SDHAF3: variants seen among roughly 807,000 people sequenced by gnomAD.
The protein encoded by SDHAF3 is succinate dehydrogenase complex assembly factor 3.
SDHAF3 carries 18 observed loss-of-function variants against 11.5 expected under a neutral mutation model. The observed-to-expected ratio is 1.56, with a 90% CI of 1.08 to 2.32. The LOEUF (loss-of-function observed/expected upper bound fraction) is 2.32, where lower values mean the gene tolerates loss of function less well. Ranked by LOEUF, SDHAF3 falls within the 30% of genes most tolerant of loss-of-function variation. The probability of loss-of-function intolerance (pLI) is 0.00; values close to 1 mark genes in which losing one functional copy is unlikely to be tolerated. For missense variants in SDHAF3, 200 were observed against 154.4 expected, an observed-to-expected ratio of 1.30 and a Z score of -1.57; for synonymous variants, 72 against 59.3, an observed-to-expected ratio of 1.21 and a Z score of -0.99.
At chr7:97,129,952 G>A (rs1052616703) in intron 1 of SDHAF3, among the ~76,000 whole-genome samples, 1 of 152,166 alleles carries the variant, frequency 6.6e-6, no homozygotes, top group Non-Finnish European at 1.5e-5. Flanking sequence ...CACTGGCTTC[G>A]TGCGAGGCTG....
In SDHAF3 at chr7:97,117,706, C is replaced by T. The variant is rs766764882; in HGVS notation, c.-18C>T. On this transcript the variant is annotated 5_prime_UTR_variant, in exon 1 of 2. Coordinates refer to ENST00000432641, the MANE Select transcript of SDHAF3 (RefSeq NM_020186.3). Reference sequence around the variant, plus strand: ...CGTCCCTCTGCGCAGGCGCAGTCGGCGGTCGGCGTGGGGCGCTATGCCGGG... The same window carrying T: ...CGTCCCTCTGCGCAGGCGCAGTCGGTGGTCGGCGTGGGGCGCTATGCCGGG... 1.9e-5 allele frequency: 31 copies of T among 1,604,194 alleles called. No individual in the cohort carries two copies. The highest frequency in any genetic ancestry group is 6.8e-5 in the Admixed American group (4 of 59,150).
intron 1 of SDHAF3, among the ~76,000 whole-genome samples, chr7:97,143,375 G>A (rs1789085275): frequency 6.6e-6 from 1 of 151,934 alleles, no homozygotes; most frequent in Admixed American, 6.6e-5. Context: ...CTTTAGCGGT[G>A]ATTTGTCAGA....
chr7:97,134,458 C>T (rs531742309), intron 1 of SDHAF3, among the ~76,000 whole-genome samples: 29 of 152,228 alleles, frequency 1.9e-4, no homozygotes, highest in African/African-American at 5.5e-4. Flanking sequence ...AAAGAACTTT[C>T]GTTTTTGAGA....
In SDHAF3 at chr7:97,178,181, A is replaced by C. The variant is rs544347587; in HGVS notation, c.175-2831A>C. On this transcript the variant is annotated intron_variant, in intron 1 of 1. Transcript: ENST00000432641. The stretch of plus-strand genomic sequence containing the variant: ...TATGTCTTTTTATGTTTGGCTTCTT[A>C]GCATAATCTTTTTAAGGTTTATCCA... Among the ~76,000 whole-genome samples the C allele has an allele frequency of 2.0e-4, 31 of 152,320 alleles. No individual in the cohort carries two copies. In the East Asian group the frequency reaches 4.1e-3, roughly 20 times the overall value.
intron 1 of SDHAF3, among the ~76,000 whole-genome samples, chr7:97,127,591 G>A (rs1037658248): frequency 1.3e-5 from 2 of 152,094 alleles, no homozygotes; most frequent in Admixed American, 6.5e-5. Context: ...AGTTTCCTTA[G>A]TATAATTAGG....
chr7:97,164,470 G>A (rs1001024448), intron 1 of SDHAF3, among the ~76,000 whole-genome samples: 3 of 148,896 alleles, frequency 2.0e-5, no homozygotes, highest in African/African-American at 5.0e-5. Flanking sequence ...ACAACCTCCC[G>A]GATTAAAGCG....
chr7:97,165,001 G>T (rs1789479095), intron 1 of SDHAF3, among the ~76,000 whole-genome samples: 1 of 152,160 alleles, frequency 6.6e-6, no homozygotes, highest in Admixed American at 6.5e-5. Context: ...GGAGTTCTTT[G>T]AATATAACTC....
chr7:97,171,088 T>C (rs1395068006), intron 1 of SDHAF3, among the ~76,000 whole-genome samples: 1 of 152,180 alleles, frequency 6.6e-6, no homozygotes, highest in African/African-American at 2.4e-5. Flanking sequence ...AATTTAGTTA[T>C]TGTAATTCAG....
chr7:97,124,988 C>A lies in SDHAF3; in HGVS notation c.174+7091C>A, dbSNP rs561039477. Among the ~76,000 whole-genome samples the A allele has an allele frequency of 1.8e-4, 28 of 152,218 alleles. No homozygotes were observed. The South Asian group carries it at 5.2e-3, about 28-fold the overall frequency. On this transcript the variant is annotated intron_variant, in intron 1 of 1. Coordinates refer to ENST00000432641, the MANE Select transcript of SDHAF3 (RefSeq NM_020186.3). ...TTATTTGAATACGTTTTATTTTTTTCTCTTGCCTGATTGCTCTGGCCAGAA... is the reference window on the plus strand; with the variant it reads ...TTATTTGAATACGTTTTATTTTTTTATCTTGCCTGATTGCTCTGGCCAGAA...
chr7:97,146,264 TTTG>T (rs1295131506), intron 1 of SDHAF3, among the ~76,000 whole-genome samples: 1 of 152,206 alleles, frequency 6.6e-6, no homozygotes, highest in Non-Finnish European at 1.5e-5. Flanking sequence ...GGTTGTATAA[TTTG>T]TTGTCAAAAC....
intron 1 of SDHAF3, among the ~76,000 whole-genome samples, chr7:97,135,960 T>C (rs895232001): frequency 6.6e-6 from 1 of 152,086 alleles, no homozygotes; most frequent in African/African-American, 2.4e-5. Flanking sequence ...GTGCTGGGAT[T>C]ACAGGTGTGA....
rs920760686 is a variant in SDHAF3 at position 97,138,341 on chromosome 7, T to G, written c.174+20444T>G. 7.2e-5 allele frequency among the ~76,000 whole-genome samples: 11 copies of G among 151,906 alleles called. 1 individual carries two copies. The highest frequency in any genetic ancestry group is 6.6e-4 in the Admixed American group (10 of 15,240). On this transcript the variant is annotated intron_variant, in intron 1 of 1. Coordinates refer to ENST00000432641, the MANE Select transcript of SDHAF3 (RefSeq NM_020186.3). The stretch of plus-strand genomic sequence containing the variant: ...CACCTGGCTAATTTTTTGTGCGTTT[T>G]TAGTAGAGACAGGGTTTCACCACGT...
At chr7:97,160,242 G>A (rs1406755936) in intron 1 of SDHAF3, among the ~76,000 whole-genome samples, 1 of 146,732 alleles carries the variant, frequency 6.8e-6, no homozygotes, top group Admixed American at 6.8e-5. Context: ...GAAGTGAGGA[G>A]CGCCCCTGCC....
intron 1 of SDHAF3, among the ~76,000 whole-genome samples, chr7:97,124,991 T>C (rs1791554398): frequency 6.6e-6 from 1 of 152,208 alleles, no homozygotes; most frequent in Admixed American, 6.5e-5. Flanking sequence ...TTTTTTTCTC[T>C]TGCCTGATTG....
chr7:97,124,884 A>G (rs1781392052), intron 1 of SDHAF3, among the ~76,000 whole-genome samples: 1 of 152,222 alleles, frequency 6.6e-6, no homozygotes, highest in Non-Finnish European at 1.5e-5. Context: ...TATCAGCTTA[A>G]GGAGTTTTTG....
intron 1 of SDHAF3, among the ~76,000 whole-genome samples, chr7:97,160,073 T>C (rs1444939688): frequency 2.2e-4 from 30 of 133,592 alleles, no homozygotes; most frequent in African/African-American, 3.1e-4. Context: ...CCGGCTGCCC[T>C]ATCTGGGAAG....
Position 97,117,819 on chromosome 7 carries a change from C to G in SDHAF3, c.96C>G (p.Asp32Glu), listed in dbSNP as rs1791428137. The change falls in exon 1 of 2, where the codon GAC becomes GAG. Residue 32 changes from aspartate to glutamate, a missense_variant. Coordinates refer to ENST00000432641, the MANE Select transcript of SDHAF3 (RefSeq NM_020186.3). ...VLPPDLKSLG[D>E]QYVKDEFRRH... ...CCCCGGACCTCAAATCCCTGGGCGA[C>G]CAGTACGTGAAAGACGAATTTAGGA... 1.9e-6 allele frequency: 3 copies of G among 1,614,172 alleles called. No individual in the cohort carries two copies. The highest frequency in any genetic ancestry group is 2.5e-6 in the Non-Finnish European group (3 of 1,180,038).
chr7:97,173,317 T>C (rs185392940), intron 1 of SDHAF3, among the ~76,000 whole-genome samples: 230 of 152,304 alleles, frequency 1.5e-3, no homozygotes, highest in Admixed American at 2.5e-3. Flanking sequence ...TTTTTTAATT[T>C]AGAGAAATCT....
intron 1 of SDHAF3, among the ~76,000 whole-genome samples, chr7:97,176,856 C>T (rs1789687442): frequency 6.6e-6 from 1 of 152,026 alleles, no homozygotes; most frequent in Non-Finnish European, 1.5e-5. Flanking sequence ...GTTATGTATT[C>T]ACCACTCAGA....
Sources: allele counts gnomAD v4.1 joint callset (sites outside exome capture counted in the v4.1 genomes callset), GRCh38; gene constraint gnomAD v4.1.1; transcripts MANE v1.5; gene names NCBI Gene and HGNC (gene_info 2026-07-23, HGNC 2026-07-21).